NINJ2: variants seen among roughly 807,000 people sequenced by gnomAD.
NINJ2 encodes ninjurin 2.
A neutral mutation model predicts 11.7 loss-of-function variants in NINJ2; 12 were observed. That is an observed-to-expected ratio of 1.02 (90% CI 0.66 to 1.66). NINJ2 has a LOEUF of 1.66. NINJ2 is among the 40% of genes most tolerant of loss of function. The pLI is 0.00. For synonymous variants in NINJ2, 93 were observed against 76.8 expected (o/e 1.21, Z -1.10); for missense variants, 187 against 181.8 (o/e 1.03, Z -0.16).
intron 1 of NINJ2, among the ~76,000 whole-genome samples, chr12:630,337 T>C (rs1201749648): frequency 2.6e-5 from 4 of 152,160 alleles, no homozygotes; most frequent in Non-Finnish European, 5.9e-5. Context: ...TGCTTCTATT[T>C]TTTTTTATTC....
chr12:596,933 C>T (rs572253573), intron 1 of NINJ2, among the ~76,000 whole-genome samples: 1 of 146,932 alleles, frequency 6.8e-6, no homozygotes, highest in Non-Finnish European at 1.5e-5. Context: ...AAAAAAAAAA[C>T]AAAAAAAAAT....
intron 1 of NINJ2, among the ~76,000 whole-genome samples, chr12:599,855 A>G (rs867068044): frequency 6.6e-6 from 1 of 151,956 alleles, no homozygotes; most frequent in East Asian, 1.9e-4. Flanking sequence ...CTGATTCACC[A>G]TGGTGCCAGT....
At chr12:574,158 G>C (rs1482568225) in intron 1 of NINJ2, among the ~76,000 whole-genome samples, 1 of 152,026 alleles carries the variant, frequency 6.6e-6, no homozygotes, top group Non-Finnish European at 1.5e-5. Flanking sequence ...GAAGGCAGAG[G>C]TTGCAGTGAG....
chr12:645,733 A>T (rs1224617418), intron 1 of NINJ2: 1 of 152,084 alleles, frequency 6.6e-6, no homozygotes, highest in Non-Finnish European at 1.5e-5. Context: ...GTGAGGGCTG[A>T]TGGCACACCA....
rs181680778 is a variant in NINJ2 at position 603,725 on chromosome 12, A to G, written c.34-37547T>C. Among the ~76,000 whole-genome samples, 86 of 151,992 alleles carry G rather than the reference A, an allele frequency of 5.7e-4. 3 individuals carry two copies. The highest frequency in any genetic ancestry group is 3.9e-3 in the Admixed American group (60 of 15,252). Reference sequence around the variant, plus strand: ...ACCCAGGCTGGAGTATAGTGGTGCAATCTTGGCTCAGTGCAACCTCTGCCT... The same window carrying G: ...ACCCAGGCTGGAGTATAGTGGTGCAGTCTTGGCTCAGTGCAACCTCTGCCT... On this transcript the variant is annotated intron_variant, in intron 1 of 3. Transcript: ENST00000305108.
intron 1 of NINJ2, among the ~76,000 whole-genome samples, chr12:663,008 G>A (rs893824599): frequency 6.6e-6 from 1 of 152,052 alleles, no homozygotes; most frequent in African/African-American, 2.4e-5. Context: ...TGGGGTTTGG[G>A]GAAAGCACTG....
chr12:604,267 C>A (rs1184608988), intron 1 of NINJ2, among the ~76,000 whole-genome samples: 7 of 152,112 alleles, frequency 4.6e-5, no homozygotes, highest in Admixed American at 6.6e-5. Flanking sequence ...AAAGTATAAG[C>A]TGCGAGGACA....
chr12:658,935 A>C (rs1332985354), intron 1 of NINJ2, among the ~76,000 whole-genome samples: 1 of 151,678 alleles, frequency 6.6e-6, no homozygotes, highest in Non-Finnish European at 1.5e-5. Context: ...CATGTGGGGC[A>C]AGGGGCTATA....
rs190887176 is a variant in NINJ2, at chr12:620,546, A to G, written c.33+42782T>C. 3.3e-3 allele frequency among the ~76,000 whole-genome samples: 510 copies of G among 152,382 alleles called. 1 individual carries two copies. The highest frequency in any genetic ancestry group is 5.7e-3 in the Non-Finnish European group (386 of 68,038). On this transcript the variant is annotated intron_variant, in intron 1 of 3. Coordinates refer to ENST00000305108, the MANE Select transcript of NINJ2 (RefSeq NM_016533.6). ...GAATGCATGGTAGCTTTTTCTCAGC[A>G]TGCAGTTCTTCATTTGTAGATACTA... is the stretch of plus-strand genomic sequence containing the variant.
intron 1 of NINJ2, among the ~76,000 whole-genome samples, chr12:634,615 C>T (rs1397815154): frequency 6.6e-6 from 1 of 152,118 alleles, no homozygotes; most frequent in African/African-American, 2.4e-5. Context: ...AATCAGTCTC[C>T]TCCCAATCCT....
intron 1 of NINJ2, among the ~76,000 whole-genome samples, chr12:604,366 G>C (rs907645991): frequency 2.0e-5 from 3 of 152,102 alleles, no homozygotes; most frequent in Non-Finnish European, 4.4e-5. Flanking sequence ...GGCCGGGTGC[G>C]GTGGCTCACG....
intron 1 of NINJ2, 29 bp downstream of exon 1, chr12:663,299 C>T (rs762172409): frequency 1.2e-6 from 2 of 1,605,422 alleles, no homozygotes; most frequent in African/African-American, 2.7e-5. Context: ...TCCCGGTCTC[C>T]CCTCTGCTCT....
intron 1 of NINJ2, among the ~76,000 whole-genome samples, chr12:627,038 T>C (rs1199863032): frequency 1.3e-5 from 2 of 152,124 alleles, no homozygotes; most frequent in Non-Finnish European, 1.5e-5. Flanking sequence ...TGAGCTATGA[T>C]TGTACCACTG....
chr12:632,787 G>T (rs574290332), intron 1 of NINJ2, among the ~76,000 whole-genome samples: 2 of 152,122 alleles, frequency 1.3e-5, no homozygotes, highest in Admixed American at 1.3e-4. Flanking sequence ...AAATCCCAGC[G>T]GATCTAAGCT....
At chr12:588,184 AC>A (rs1157484243) in intron 1 of NINJ2, among the ~76,000 whole-genome samples, 15 of 128,674 alleles carry the variant, frequency 1.2e-4, no homozygotes, top group African/African-American at 4.6e-4. Flanking sequence ...GACGGAAGGG[AC>A]GGAAGGGACG....
chr12:629,896 A>ATATATATATATAT (rs1555166136), intron 1 of NINJ2, among the ~76,000 whole-genome samples: 3 of 9,904 alleles, frequency 3.0e-4, no homozygotes, highest in African/African-American at 4.4e-4. Flanking sequence ...AAAAAAAAAA[A>ATATATATATATAT]ATATATATAT....
At chr12:587,939 A>G (rs1401243024) in intron 1 of NINJ2, among the ~76,000 whole-genome samples, 1 of 152,208 alleles carries the variant, frequency 6.6e-6, no homozygotes, top group Non-Finnish European at 1.5e-5. Flanking sequence ...CCGTAGTATG[A>G]GGCTGGCACT....
chr12:602,826 T>C (rs1336073277), intron 1 of NINJ2, among the ~76,000 whole-genome samples: 1 of 152,142 alleles, frequency 6.6e-6, no homozygotes, highest in East Asian at 1.9e-4. Flanking sequence ...TGTCTCATTG[T>C]GGGTTTTCTT....
At chr12:592,496 T>C (rs2120877330) in intron 1 of NINJ2, among the ~76,000 whole-genome samples, 1 of 151,608 alleles carries the variant, frequency 6.6e-6, no homozygotes, top group South Asian at 2.1e-4. Flanking sequence ...AGGTTAGGAG[T>C]TCAAGACCAG....
Sources: gnomAD v4.1 joint callset for allele counts (sites outside exome capture counted in the v4.1 genomes callset) on GRCh38, gnomAD v4.1.1 for gene constraint, MANE v1.5 for transcripts, NCBI Gene and HGNC (gene_info 2026-07-23, HGNC 2026-07-21) for gene names.